Variants in WWOX observed in about 807,000 individuals in gnomAD.
WWOX encodes WW domain-containing oxidoreductase.
Under a neutral mutation model 46.2 loss-of-function variants are expected in WWOX, and 69 were observed. The observed-to-expected ratio is 1.49, with a 90% CI of 1.23 to 1.82. The LOEUF is 1.82. Ranked by LOEUF, WWOX falls within the 40% of genes most tolerant of loss-of-function variation. The pLI is 0.00. For synonymous variants in WWOX, 359 were observed against 202.6 expected, an observed-to-expected ratio of 1.77 and a Z score of -6.56; for missense variants, 919 against 542.6, an observed-to-expected ratio of 1.69 and a Z score of -6.89.
At position 78,597,984 on chromosome 16, in the gene WWOX, A is replaced by C. The variant is rs79639615; in HGVS notation, c.1056+165232A>C. Among the ~76,000 whole-genome samples the C allele has an allele frequency of 7.4e-4, 112 of 152,224 alleles. No homozygotes were observed. The East Asian group carries it at 0.02, about 27-fold the overall frequency. On this transcript the variant is annotated intron_variant, in intron 8 of 8. Coordinates refer to ENST00000566780, the MANE Select transcript of WWOX (RefSeq NM_016373.4). ...TTTAATAGTGTAGCTTTAGAAATGCAATTTTCAGCCTCTGCTTATTAGAAT... is the reference window on the plus strand; with the variant it reads ...TTTAATAGTGTAGCTTTAGAAATGCCATTTTCAGCCTCTGCTTATTAGAAT...
rs143301460 is a variant in WWOX, at chr16:78,167,793, G to A, written c.516+3504G>A. 3.3e-5 allele frequency: 5 copies of A among 152,286 alleles called. No homozygotes were observed. The East Asian group carries it at 5.8e-4, about 18-fold the overall frequency. 9.4% of individuals were successfully genotyped at this position (152,286 alleles called of 1,614,324 possible). A position where few individuals can be genotyped will look rare whatever the true frequency, so the allele number is the denominator to read the frequency against. On this transcript the variant is annotated intron_variant, in intron 5 of 8. Coordinates refer to ENST00000566780, the MANE Select transcript of WWOX (RefSeq NM_016373.4). ...AGGCCTTCTTGCTCTGGTGACATCTGTTAGGCTTCGTCTCTATATCATCCC... is the reference window on the plus strand; with the variant it reads ...AGGCCTTCTTGCTCTGGTGACATCTATTAGGCTTCGTCTCTATATCATCCC...
chr16:78,349,928 G>C lies in WWOX; in HGVS notation c.517-36932G>C, dbSNP rs544262044. On this transcript the variant is annotated intron_variant, in intron 5 of 8. Transcript: ENST00000566780. ...TGTTAACATTTCGGTTTGTGTTATGGAAGTGTTCTCTCTTCTATGAATTAC... is the reference window on the plus strand; with the variant it reads ...TGTTAACATTTCGGTTTGTGTTATGCAAGTGTTCTCTCTTCTATGAATTAC... Among the ~76,000 whole-genome samples, 60 of 120,938 alleles carry C rather than the reference G, an allele frequency of 5.0e-4. 22 individuals are homozygous for C. The highest frequency in any genetic ancestry group is 9.3e-4 in the Non-Finnish European group (47 of 50,698). 79.3% of individuals were successfully genotyped at this position (120,938 alleles called of 152,430 possible). A position where few individuals can be genotyped will look rare whatever the true frequency, so the allele number is the denominator to read the frequency against.
intron 8 of WWOX, among the ~76,000 whole-genome samples, chr16:79,031,787 A>C: frequency 7.2e-6 from 1 of 138,022 alleles, no homozygotes; most frequent in South Asian, 2.2e-4. Context: ...AAAGATATAT[A>C]ATCTATATAT....
rs4075212 is a variant in WWOX at position 78,341,581 on chromosome 16, C to G, written c.517-45279C>G. Among the ~76,000 whole-genome samples, 6 of 118,438 alleles carry G rather than the reference C, an allele frequency of 5.1e-5. 2 individuals carry two copies. Among genetic ancestry groups the G allele is most frequent in the African/African-American group, 1.2e-4 (4 of 34,664 alleles). 77.7% of individuals were successfully genotyped at this position (118,438 alleles called of 152,430 possible). A position where few individuals can be genotyped will look rare whatever the true frequency, so the allele number is the denominator to read the frequency against. ...TCTGTGTACTTGGAGCTCTGAATCA[C>G]TATTGTCACTGAGGGAGTGGACAGG... On this transcript the variant is annotated intron_variant, in intron 5 of 8. Transcript: ENST00000566780.
intron 6 of WWOX, among the ~76,000 whole-genome samples, chr16:78,402,410 G>C (rs1462017052): frequency 6.6e-6 from 1 of 151,994 alleles, no homozygotes; most frequent in Admixed American, 6.6e-5. Context: ...CTACTTTTTG[G>C]CTACTGTAAA....
chr16:78,352,153 C>T (rs1321963730), intron 5 of WWOX, among the ~76,000 whole-genome samples: 1 of 152,210 alleles, frequency 6.6e-6, no homozygotes, highest in Non-Finnish European at 1.5e-5. Context: ...TGAGCATATG[C>T]AGGCCAGACC....
At chr16:78,258,944 G>C (rs565360176) in intron 5 of WWOX, among the ~76,000 whole-genome samples, 7 of 152,236 alleles carry the variant, frequency 4.6e-5, no homozygotes, top group Non-Finnish European at 8.8e-5. Context: ...TGTTTGGCCT[G>C]CAAACAGTGT....
intron 7 of WWOX, among the ~76,000 whole-genome samples, chr16:78,428,249 A>G (rs1449850665): frequency 6.6e-6 from 1 of 152,242 alleles, no homozygotes; most frequent in Non-Finnish European, 1.5e-5. Flanking sequence ...CAGTTTGTCA[A>G]CTTGAAAATA....
chr16:79,196,786 C>T (rs906750839), intron 8 of WWOX, among the ~76,000 whole-genome samples: 5 of 151,950 alleles, frequency 3.3e-5, no homozygotes, highest in African/African-American at 1.2e-4. Flanking sequence ...TAGAGATGTT[C>T]TATTTTCAAG....
At chr16:78,715,587 G>A (rs2048542699) in intron 8 of WWOX, among the ~76,000 whole-genome samples, 1 of 151,888 alleles carries the variant, frequency 6.6e-6, no homozygotes, top group African/African-American at 2.4e-5. Context: ...GGGTTCAAGC[G>A]ATTCTCCTGC....
intron 8 of WWOX, among the ~76,000 whole-genome samples, chr16:79,209,512 G>C (rs965223104): frequency 7.2e-5 from 11 of 152,184 alleles, no homozygotes; most frequent in Non-Finnish European, 1.3e-4. Flanking sequence ...TTGTGGCATA[G>C]AGGGCGGGAG....
intron 8 of WWOX, among the ~76,000 whole-genome samples, chr16:79,051,127 G>A (rs1266088273): frequency 6.6e-6 from 1 of 152,144 alleles, no homozygotes; most frequent in Non-Finnish European, 1.5e-5. Context: ...TACTCCTCGG[G>A]TTGTTTCATG....
At chr16:78,154,266 G>C (rs1365356330) in intron 4 of WWOX, among the ~76,000 whole-genome samples, 1 of 152,112 alleles carries the variant, frequency 6.6e-6, no homozygotes, top group Admixed American at 6.5e-5. Flanking sequence ...CTGGTCACAA[G>C]GCCACAGTAT....
intron 5 of WWOX, among the ~76,000 whole-genome samples, chr16:78,370,917 A>G (rs1029662841): frequency 1.4e-5 from 2 of 147,772 alleles, no homozygotes; most frequent in Admixed American, 6.8e-5. Context: ...ATTTCTAAAA[A>G]TTTTGTTTCC....
chr16:79,108,348 C>T (rs1244396459), intron 8 of WWOX, among the ~76,000 whole-genome samples: 1 of 152,198 alleles, frequency 6.6e-6, no homozygotes. Context: ...AGCTGAGCTG[C>T]GTATTAAGTA....
At chr16:78,191,153 C>T (rs1268559004) in intron 5 of WWOX, among the ~76,000 whole-genome samples, 2 of 152,186 alleles carry the variant, frequency 1.3e-5, no homozygotes, top group Non-Finnish European at 2.9e-5. Context: ...CGCTAGACCA[C>T]AGAGCCCCTG....
At chr16:78,847,931 C>G (rs1289703194) in intron 8 of WWOX, among the ~76,000 whole-genome samples, 1 of 152,254 alleles carries the variant, frequency 6.6e-6, no homozygotes, top group African/African-American at 2.4e-5. Context: ...ACCCTGTGAC[C>G]ACTGCACGAA....
At chr16:78,579,673 C>A (rs559020658) in intron 8 of WWOX, among the ~76,000 whole-genome samples, 16 of 152,324 alleles carry the variant, frequency 1.1e-4, no homozygotes, top group African/African-American at 2.9e-4. Context: ...GTCTCTATCA[C>A]ATTACCGACG....
At chr16:78,574,595 C>G (rs1045410693) in intron 8 of WWOX, among the ~76,000 whole-genome samples, 9 of 152,010 alleles carry the variant, frequency 5.9e-5, no homozygotes, top group Non-Finnish European at 1.3e-4. Context: ...AAGATTTCAT[C>G]CTTTTTATGG....
Sources: allele counts gnomAD v4.1 joint callset (sites outside exome capture counted in the v4.1 genomes callset), GRCh38; gene constraint gnomAD v4.1.1; transcripts MANE v1.5; gene names NCBI Gene and HGNC (gene_info 2026-07-23, HGNC 2026-07-21).